Variants in CPLX1 observed in about 807,000 individuals in gnomAD.
CPLX1 encodes the protein complexin-1.
CPLX1 carries 6 observed loss-of-function variants against 15.6 expected under a neutral mutation model. That is an observed-to-expected ratio of 0.39 (90% CI 0.21 to 0.76). The LOEUF is 0.76. CPLX1 is among the 30% of genes least tolerant of loss of function. The pLI is 0.43. For missense variants in CPLX1, 242 were observed against 188.6 expected (o/e 1.28, Z -1.66); for synonymous variants, 91 against 75.2 (o/e 1.21, Z -1.08).
At chr4:796,433 G>A (rs377595051) in intron 2 of CPLX1, among the ~76,000 whole-genome samples, 2 of 152,074 alleles carry the variant, frequency 1.3e-5, no homozygotes, top group African/African-American at 4.8e-5. Flanking sequence ...CTACAGGCAC[G>A]CGCCACCACG....
At chr4:822,211 T>C (rs1746881795) in intron 2 of CPLX1, among the ~76,000 whole-genome samples, 1 of 151,062 alleles carries the variant, frequency 6.6e-6, no homozygotes, top group Non-Finnish European at 1.5e-5. Context: ...TCCATCTCTA[T>C]CTCTCTAACT....
At chr4:804,738 A>G (rs1209044074) in intron 2 of CPLX1, 2 of 985,350 alleles carry the variant, frequency 2.0e-6, no homozygotes, top group Non-Finnish European at 2.4e-6. Context: ...CAAGTGTCAC[A>G]AAGAAGTGAA....
At chr4:796,066 C>G (rs1412171554) in intron 2 of CPLX1, among the ~76,000 whole-genome samples, 3 of 152,144 alleles carry the variant, frequency 2.0e-5, no homozygotes, top group African/African-American at 7.2e-5. Flanking sequence ...ACAGAGCAGC[C>G]GCCCCTGAGG....
chr4:812,169 G>C (rs1030602064), intron 2 of CPLX1, among the ~76,000 whole-genome samples: 2 of 152,132 alleles, frequency 1.3e-5, no homozygotes, highest in Non-Finnish European at 2.9e-5. Context: ...CTGCCTCCTG[G>C]GTTCACATGA....
rs1560234260 is a variant in CPLX1 at position 786,699 on chromosome 4, CTGCGGGGGA to C, written c.208-10_208-2del. On this transcript the variant is annotated splice_acceptor_variant and splice_polypyrimidine_tract_variant and intron_variant, in intron 3 of 3. Transcript: ENST00000304062. LOFTEE classifies it high-confidence loss of function. ...GCTCCTCCTTCTTCTTGATGCCGTA[CTGCGGGGGA>C]GGCGGGGGTCAGGGCGGGGGTCCCG... 2.5e-6 allele frequency: 4 copies of C among 1,592,558 alleles called. No homozygotes were observed. Among genetic ancestry groups the C allele is most frequent in the Non-Finnish European group, 3.4e-6 (4 of 1,167,780 alleles).
chr4:793,851 G>C (rs762797291), intron 2 of CPLX1, among the ~76,000 whole-genome samples: 1 of 152,162 alleles, frequency 6.6e-6, no homozygotes, highest in African/African-American at 2.4e-5. Flanking sequence ...GACTGCCCCC[G>C]ACCAGCTGAG....
Position 798,192 on chromosome 4 carries a change from T to C in CPLX1, c.32-5584A>G, listed in dbSNP as rs540656795. Among the ~76,000 whole-genome samples the C allele has an allele frequency of 1.3e-3, 193 of 149,512 alleles. 2 individuals are homozygous for C. The highest frequency in any genetic ancestry group is 1.5e-3 in the African/African-American group (62 of 40,362). On this transcript the variant is annotated intron_variant, in intron 2 of 3. Transcript: ENST00000304062. The stretch of plus-strand genomic sequence containing the variant: ...TGAGAGGCTGAGTCAGGAGAATCAC[T>C]TGAACCCAAGAGGTGGAGGTTGCAG...
intron 2 of CPLX1, among the ~76,000 whole-genome samples, chr4:792,904 C>T (rs1188063415): frequency 6.6e-6 from 1 of 152,128 alleles, no homozygotes; most frequent in African/African-American, 2.4e-5. Flanking sequence ...CGTCTGTATG[C>T]ACCTGTGTGT....
intron 3 of CPLX1, chr4:788,647 C>T (rs990018414): frequency 3.2e-6 from 3 of 952,190 alleles, no homozygotes; most frequent in Non-Finnish European, 3.8e-6. Context: ...CCATCCACAG[C>T]GGGAAGGGCA....
rs536386280 is a variant in CPLX1 at position 806,042 on chromosome 4, T to C, written c.32-13434A>G. On this transcript the variant is annotated intron_variant, in intron 2 of 3. Coordinates refer to ENST00000304062, the MANE Select transcript of CPLX1 (RefSeq NM_006651.4). Reference sequence around the variant, plus strand: ...AAATAGAGGTGTTAGTTGCACAACATTGTGATGTACTTAATGCCACTGAAT... The same window carrying C: ...AAATAGAGGTGTTAGTTGCACAACACTGTGATGTACTTAATGCCACTGAAT... Among the ~76,000 whole-genome samples, 7 of 152,298 alleles carry C rather than the reference T, an allele frequency of 4.6e-5. No individual in the cohort carries two copies. In the East Asian group the frequency reaches 1.4e-3, roughly 29 times the overall value.
chr4:814,789 C>T (rs948441808), intron 2 of CPLX1, among the ~76,000 whole-genome samples: 9 of 152,218 alleles, frequency 5.9e-5, no homozygotes, highest in African/African-American at 1.7e-4. Context: ...CACAAACCAC[C>T]GGGCATCTGC....
intron 2 of CPLX1, among the ~76,000 whole-genome samples, chr4:808,257 T>A (rs1406942338): frequency 8.1e-6 from 1 of 123,214 alleles, no homozygotes; most frequent in Non-Finnish European, 1.7e-5. Flanking sequence ...AATAAATAAA[T>A]AAAAATAAAT....
intron 2 of CPLX1, among the ~76,000 whole-genome samples, chr4:818,891 G>T (rs7687101): frequency 0.42 from 64,118 of 152,124 alleles, 13,699 homozygotes; most frequent in Middle Eastern, 0.5. Flanking sequence ...TGGAGGGTGG[G>T]GCCTCGCCTC....
rs557347954 is a variant in CPLX1, at chr4:806,928, A to G, written c.32-14320T>C. On this transcript the variant is annotated intron_variant, in intron 2 of 3. Coordinates refer to ENST00000304062, the MANE Select transcript of CPLX1 (RefSeq NM_006651.4). Reference sequence around the variant, plus strand: ...GTGGAAGACTGTGGCGATTCCTCAGAGACCTAGAACCAGAAATACCATTTG... The same window carrying G: ...GTGGAAGACTGTGGCGATTCCTCAGGGACCTAGAACCAGAAATACCATTTG... 4.0e-4 allele frequency among the ~76,000 whole-genome samples: 61 copies of G among 152,362 alleles called. No individual in the cohort carries two copies. In the South Asian group the frequency reaches 4.3e-3, roughly 11 times the overall value.
intron 2 of CPLX1, among the ~76,000 whole-genome samples, chr4:804,586 G>A (rs1025351672): frequency 2.6e-5 from 4 of 152,202 alleles, no homozygotes; most frequent in South Asian, 2.1e-4. Flanking sequence ...TCATAATGAC[G>A]TCAGCCGCAT....
chr4:789,287 C>T (rs1339846664), intron 3 of CPLX1, among the ~76,000 whole-genome samples: 1 of 152,190 alleles, frequency 6.6e-6, no homozygotes, highest in African/African-American at 2.4e-5. Flanking sequence ...TGGGCAGCAG[C>T]TCTCCAGGAA....
In CPLX1 at chr4:787,038, C is replaced by A. The variant is rs148525353; in HGVS notation, c.208-340G>T. 3,869 of 985,412 alleles carry A rather than the reference C, an allele frequency of 3.9e-3. 8 individuals carry two copies. Among genetic ancestry groups the A allele is most frequent in the South Asian group, 0.01 (223 of 21,292 alleles). 61.0% of individuals were successfully genotyped at this position (985,412 alleles called of 1,614,324 possible). On this transcript the variant is annotated intron_variant, in intron 3 of 3. Coordinates refer to ENST00000304062, the MANE Select transcript of CPLX1 (RefSeq NM_006651.4). ...TCCTGCCTTCCAGGAAGCCTCCGGCCCGGGGCAGGGAGGGGTGGGCAGGAT... is the reference window on the plus strand; with the variant it reads ...TCCTGCCTTCCAGGAAGCCTCCGGCACGGGGCAGGGAGGGGTGGGCAGGAT...
At chr4:794,921 G>A (rs1216574010) in intron 2 of CPLX1, among the ~76,000 whole-genome samples, 3 of 152,210 alleles carry the variant, frequency 2.0e-5, no homozygotes, top group Non-Finnish European at 4.4e-5. Flanking sequence ...GGTGTGCTGC[G>A]CTCTGCTCCA....
At chr4:787,320 C>G in intron 3 of CPLX1, 3 of 985,438 alleles carry the variant, frequency 3.0e-6, no homozygotes, top group Non-Finnish European at 3.6e-6. Flanking sequence ...TATGCCTGGG[C>G]CTCACCGACC....
Sources: gnomAD v4.1 joint callset for allele counts (sites outside exome capture counted in the v4.1 genomes callset) on GRCh38, gnomAD v4.1.1 for gene constraint, MANE v1.5 for transcripts, NCBI Gene and HGNC (gene_info 2026-07-23, HGNC 2026-07-21) for gene names.